Variants in TRPV3 observed in about 807,000 individuals in gnomAD.
TRPV3 encodes the protein transient receptor potential cation channel subfamily V member 3, also known as VRL-3.
TRPV3 carries 88 observed loss-of-function variants against 87.1 expected under a neutral mutation model. That is an observed-to-expected ratio of 1.01 (90% CI 0.85 to 1.21). TRPV3 has a LOEUF of 1.21. TRPV3 is among the 50% of genes most tolerant of loss of function. TRPV3 has a pLI of 0.00. For synonymous variants in TRPV3, 438 were observed against 423.3 expected, an observed-to-expected ratio of 1.03 and a Z score of -0.43; for missense variants, 1,054 against 1,030.1, an observed-to-expected ratio of 1.02 and a Z score of -0.32.
chr17:3,529,095 G>C (rs2074326367), intron 9 of TRPV3, 100 bp from the exon 10 acceptor site: 2 of 1,354,506 alleles, frequency 1.5e-6, no homozygotes, highest in South Asian at 2.5e-5. Flanking sequence ...CTGCAGAAGG[G>C]GCCCATCATT....
In TRPV3 at chr17:3,524,296, C is replaced by G. The variant is rs775307313; in HGVS notation, c.1645G>C (p.Ala549Pro). The part of the protein sequence containing the change: ...LYLFAYKEYL[A>P]CLVLAMALGW... ...AGGGCCATGGCCAGCACGAGGCAGG[C>G]GAGGTACTCTTTGTAGGCAAACAAG... The change falls in exon 13 of 18, where the codon GCC becomes CCC. Residue 549 changes from alanine (A) to proline (P), a missense_variant. Transcript: ENST00000576742. The G allele has an allele frequency of 1.9e-6, 3 of 1,614,222 alleles. No individual in the cohort carries two copies. Among genetic ancestry groups the G allele is most frequent in the African/African-American group, 2.7e-5 (2 of 75,056 alleles).
Position 3,528,885 on chromosome 17 carries a change from G to A in TRPV3, c.1353C>T (p.Tyr451=), listed in dbSNP as rs987522379. The change falls in exon 10 of 18, where the codon TAC becomes TAT. Residue 451 remains tyrosine, a synonymous_variant. Transcript: ENST00000576742. This position sits in a 1 kb window ranked among gnomAD's most constrained non-coding sequence, Gnocchi z 4.2. ...FFLSFCFYFF[Y]NITLTLVSYY... ...ACGAGACGAGGGTCAGGGTGATGTTGTAGAAGAAATAAAAGCAGAAGGACA... is the reference window on the plus strand; with the variant it reads ...ACGAGACGAGGGTCAGGGTGATGTTATAGAAGAAATAAAAGCAGAAGGACA... 1.2e-6 allele frequency: 2 copies of A among 1,614,228 alleles called. No individual in the cohort carries two copies. The highest frequency in any genetic ancestry group is 3.3e-4 in the Middle Eastern group (2 of 6,062).
At chr17:3,519,833 G>C (rs2074227033) in intron 14 of TRPV3, among the ~76,000 whole-genome samples, 1 of 137,436 alleles carries the variant, frequency 7.3e-6, no homozygotes, top group Non-Finnish European at 1.6e-5. Flanking sequence ...TGATTAAATG[G>C]ATGAATGGAT....
intron 8 of TRPV3, among the ~76,000 whole-genome samples, chr17:3,532,179 C>T (rs1215620950): frequency 2.0e-5 from 3 of 152,366 alleles, no homozygotes; most frequent in African/African-American, 4.8e-5. Flanking sequence ...AAGAAGGGCC[C>T]AAAGCGGCCA....
In TRPV3 at chr17:3,528,208, G is replaced by C. The variant is rs963533209; in HGVS notation, c.1402-82C>G. 1.9e-6 allele frequency: 2 copies of C among 1,033,350 alleles called. No individual in the cohort carries two copies. The highest frequency in any genetic ancestry group is 1.6e-5 in the African/African-American group (1 of 61,772). 64.0% of individuals were successfully genotyped at this position (1,033,350 alleles called of 1,614,324 possible). On this transcript the variant is annotated intron_variant, in intron 10 of 17. Coordinates refer to ENST00000576742, the MANE Select transcript of TRPV3 (RefSeq NM_145068.4). The surrounding 1 kb of genome is among the most constrained non-coding windows in gnomAD (Gnocchi z 4.2). ...CCAACTCTAGAGGGACCAAAACCCA[G>C]GTGAAACACTCAAGCCGGGCCAGAG...
chr17:3,518,696 C>G lies in TRPV3; in HGVS notation c.1965G>C (p.Leu655=). The change falls in exon 15 of 18, where the codon CTG becomes CTC. Residue 655 remains leucine (L), a synonymous_variant. Transcript: ENST00000576742. This position sits in a 1 kb window ranked among gnomAD's most constrained non-coding sequence, Gnocchi z 4.3. ...GGATGACATAGGTGATGAGCAGGAA[C>G]AGAAAGAGAATGGGATACTTGGAGT... ...QQNSKYPILF[L]FLLITYVILT... 2 of 1,611,276 alleles carry G rather than the reference C, an allele frequency of 1.2e-6. No homozygotes were observed. Among genetic ancestry groups the G allele is most frequent in the Non-Finnish European group, 1.7e-6 (2 of 1,178,894 alleles).
At chr17:3,524,460 A>G in intron 12 of TRPV3, 97 bp from the exon 13 acceptor site, 1 of 1,484,614 alleles carries the variant, frequency 6.7e-7, no homozygotes, top group Middle Eastern at 1.8e-4. Flanking sequence ...CCCCCTGAAC[A>G]GTCACCCCGG....
intron 2 of TRPV3, chr17:3,554,488 C>CT (rs112314796): frequency 0.047 from 19,082 of 404,140 alleles, 3,054 homozygotes; most frequent in African/African-American, 0.35. Flanking sequence ...TCAGCACCCC[C>CT]GATCCCTCCA....
intron 12 of TRPV3, among the ~76,000 whole-genome samples, chr17:3,524,777 G>A (rs529007765): frequency 1.4e-5 from 2 of 143,230 alleles, no homozygotes; most frequent in South Asian, 4.4e-4. Flanking sequence ...TTCAGGACCA[G>A]CCTGAGTGAC....
At position 3,518,084 on chromosome 17, in the gene TRPV3, G is replaced by C. The variant is rs1346531957; in HGVS notation, c.2085+492C>G. Among the ~76,000 whole-genome samples, 1 of 152,058 alleles carries C rather than the reference G, an allele frequency of 6.6e-6. No homozygotes were observed. The highest frequency in any genetic ancestry group is 1.5e-5 in the Non-Finnish European group (1 of 68,018). The stretch of plus-strand genomic sequence containing the variant: ...TCCACCCGCTTCGGCCTTCCAAAGT[G>C]CTAAGATTACAGGGGTGAGCCACCA... On this transcript the variant is annotated intron_variant, in intron 15 of 17. Transcript: ENST00000576742. The surrounding 1 kb of genome is among the most constrained non-coding windows in gnomAD (Gnocchi z 4.3).
At chr17:3,525,688 C>T (rs957776142) in intron 12 of TRPV3, among the ~76,000 whole-genome samples, 9 of 150,720 alleles carry the variant, frequency 6.0e-5, no homozygotes, top group South Asian at 2.1e-4. Context: ...GGCATGATCT[C>T]GGCTCACTGC....
At chr17:3,543,664 A>G in intron 4 of TRPV3, 36 bp from the exon 5 acceptor site, 1 of 1,610,590 alleles carries the variant, frequency 6.2e-7, no homozygotes, top group Non-Finnish European at 8.5e-7. Flanking sequence ...CAACACACAC[A>G]TCCTCTCAAG....
Position 3,554,871 on chromosome 17 carries a change from G to A in TRPV3, c.-2-19C>T, listed in dbSNP as rs369323764. The A allele has an allele frequency of 1.7e-5, 26 of 1,570,320 alleles. No homozygotes were observed. Among genetic ancestry groups the A allele is most frequent in the African/African-American group, 6.8e-5 (5 of 74,002 alleles). On this transcript the variant is annotated intron_variant, in intron 1 of 17. Coordinates refer to ENST00000576742, the MANE Select transcript of TRPV3 (RefSeq NM_145068.4). ...TTCATGGCTGGAATACAACCACAGGGCAGATGCTCAGGCCGGGGGGACAGG... is the reference window on the plus strand; with the variant it reads ...TTCATGGCTGGAATACAACCACAGGACAGATGCTCAGGCCGGGGGGACAGG...
Position 3,512,935 on chromosome 17 carries a change from T to C in TRPV3, c.*982A>G, listed in dbSNP as rs1438358469. 1.3e-5 allele frequency: 2 copies of C among 152,136 alleles called. No homozygotes were observed. Among genetic ancestry groups the C allele is most frequent in the African/African-American group, 4.8e-5 (2 of 41,416 alleles). 9.4% of individuals were successfully genotyped at this position (152,136 alleles called of 1,614,324 possible). On this transcript the variant is annotated 3_prime_UTR_variant, in exon 18 of 18. Transcript: ENST00000576742. Reference sequence around the variant, plus strand: ...AAGATGATATCGATCGAGCAGCTGCTATTTCTGCTTCAGCGAAAGCCACGA... The same window carrying C: ...AAGATGATATCGATCGAGCAGCTGCCATTTCTGCTTCAGCGAAAGCCACGA...
At position 3,512,413 on chromosome 17, in the gene TRPV3, C is replaced by A. The variant is rs1413748462; in HGVS notation, c.*1504G>T. Reference sequence around the variant, plus strand: ...CAGCTAGTCTGGCACACAGAGTGGCCCAGGGCAGAGAAACTGGCCCAGAGT... The same window carrying A: ...CAGCTAGTCTGGCACACAGAGTGGCACAGGGCAGAGAAACTGGCCCAGAGT... On this transcript the variant is annotated 3_prime_UTR_variant, in exon 18 of 18. Coordinates refer to ENST00000576742, the MANE Select transcript of TRPV3 (RefSeq NM_145068.4). 1 of 152,190 alleles carries A rather than the reference C, an allele frequency of 6.6e-6. No homozygotes were observed. The highest frequency in any genetic ancestry group is 1.5e-5 in the Non-Finnish European group (1 of 68,048). The allele number at this position is 152,190 out of a possible 1,614,324, so 9.4% of individuals were successfully genotyped here.
At chr17:3,554,099 C>T (rs1241697083) in intron 2 of TRPV3, 2 of 152,548 alleles carry the variant, frequency 1.3e-5, no homozygotes, top group African/African-American at 4.8e-5. Context: ...CCAGCCCTGC[C>T]CAGTTCCCAG....
chr17:3,530,715 G>A lies in TRPV3; in HGVS notation c.1066-512C>T, dbSNP rs2074341977. ...GCCCGTGGGACTTCGGTAGGCCAGT[G>A]ATCCTCAAACTCTGCTGCATGTTAG... On this transcript the variant is annotated intron_variant, in intron 8 of 17. Transcript: ENST00000576742. This position sits in a 1 kb window ranked among gnomAD's most constrained non-coding sequence, Gnocchi z 4.0. 1.3e-5 allele frequency among the ~76,000 whole-genome samples: 2 copies of A among 152,278 alleles called. No homozygotes were observed. The highest frequency in any genetic ancestry group is 1.3e-4 in the Admixed American group (2 of 15,294).
In TRPV3 at chr17:3,519,319, A is replaced by AATCGTTGG. The variant is rs1255652793; in HGVS notation, c.1811-470_1811-469insCCAACGAT. Among the ~76,000 whole-genome samples the AATCGTTGG allele has an allele frequency of 3.4e-3, 474 of 138,480 alleles. 3 individuals are homozygous for AATCGTTGG. Among genetic ancestry groups the AATCGTTGG allele is most frequent in the African/African-American group, 0.012 (425 of 36,832 alleles). The allele number at this position is 138,480 out of a possible 152,430, so 90.8% of individuals were successfully genotyped here. On this transcript the variant is annotated intron_variant, in intron 14 of 17. Transcript: ENST00000576742. ...ACACCACAGTAGAGGTTCACTGCTG[A>AATCGTTGG]ATGGTTGGATGGATGGATGGATGGA...
chr17:3,516,369 G>T (rs911618938), intron 16 of TRPV3, 88 bp downstream of exon 16: 2 of 1,024,810 alleles, frequency 2.0e-6, no homozygotes, highest in Non-Finnish European at 3.1e-6. Flanking sequence ...GCAAGTGGCG[G>T]CACTGTTTCT....
Sources: allele counts gnomAD v4.1 joint callset (sites outside exome capture counted in the v4.1 genomes callset), GRCh38; gene constraint gnomAD v4.1.1; non-coding constraint Gnocchi (gnomAD v3.1); transcripts MANE v1.5; gene names NCBI Gene and HGNC (gene_info 2026-07-23, HGNC 2026-07-21).